LRP1B: variants seen among roughly 807,000 people sequenced by gnomAD.
LRP1B encodes the protein low-density lipoprotein receptor-related protein 1B.
Under a neutral mutation model 556.6 loss-of-function variants are expected in LRP1B, and 217 were observed. The ratio of observed to expected loss-of-function variants is 0.39; its 90% CI spans 0.35 to 0.44. The LOEUF is 0.44. Among genes scored for constraint, LRP1B ranks in the 20% least tolerant of loss-of-function variants. The pLI is 1.00. For missense variants in LRP1B, 5,053 were observed against 5,620.8 expected, an observed-to-expected ratio of 0.90 and a Z score of 3.23; for synonymous variants, 2,047 against 1,865.8, an observed-to-expected ratio of 1.10 and a Z score of -2.50.
At chr2:140,926,545 G>A (rs552535127) in intron 20 of LRP1B, among the ~76,000 whole-genome samples, 1 of 151,894 alleles carries the variant, frequency 6.6e-6, no homozygotes, top group Non-Finnish European at 1.5e-5. Context: ...GTCTTACTTT[G>A]TTGCCTAGAC....
chr2:141,740,298 C>G (rs1051594056), intron 2 of LRP1B, among the ~76,000 whole-genome samples: 5 of 152,122 alleles, frequency 3.3e-5, no homozygotes, highest in African/African-American at 1.2e-4. Flanking sequence ...CAAGTAGGTG[C>G]ACTTAATGGT....
chr2:141,632,357 T>C (rs889485413), intron 2 of LRP1B, among the ~76,000 whole-genome samples: 1 of 152,232 alleles, frequency 6.6e-6, no homozygotes, highest in African/African-American at 2.4e-5. Context: ...GTGTCATTAT[T>C]TTCTTTAGTT....
At chr2:142,008,236 C>T (rs760981763) in intron 1 of LRP1B, among the ~76,000 whole-genome samples, 1 of 152,200 alleles carries the variant, frequency 6.6e-6, no homozygotes, top group South Asian at 2.1e-4. Flanking sequence ...TATAGCTTGA[C>T]TCCCTGTGCT....
intron 18 of LRP1B, among the ~76,000 whole-genome samples, chr2:140,956,576 T>G (rs778089354): frequency 6.6e-6 from 1 of 151,744 alleles, no homozygotes; most frequent in Non-Finnish European, 1.5e-5. Flanking sequence ...TTGACACTAG[T>G]TGTGGCTCCC....
intron 3 of LRP1B, among the ~76,000 whole-genome samples, chr2:141,348,220 T>A (rs777181329): frequency 2.0e-5 from 3 of 151,998 alleles, no homozygotes; most frequent in African/African-American, 4.8e-5. Flanking sequence ...AATATGTACC[T>A]GTAAGATTTG....
chr2:140,646,036 AAAGTTC>A (rs1322465709), intron 41 of LRP1B, among the ~76,000 whole-genome samples: 1 of 152,162 alleles, frequency 6.6e-6, no homozygotes, highest in African/African-American at 2.4e-5. Context: ...ATCAGTCATT[AAAGTTC>A]TGTCTGCTAT....
At chr2:141,641,561 C>T (rs1689336152) in intron 2 of LRP1B, among the ~76,000 whole-genome samples, 1 of 152,096 alleles carries the variant, frequency 6.6e-6, no homozygotes, top group African/African-American at 2.4e-5. Context: ...AATATACATT[C>T]AACCCTTAAA....
intron 2 of LRP1B, among the ~76,000 whole-genome samples, chr2:141,612,950 G>C (rs1688160099): frequency 1.3e-5 from 2 of 151,778 alleles, no homozygotes; most frequent in African/African-American, 4.8e-5. Context: ...CTACAGGTGT[G>C]TGCCACCACA....
intron 3 of LRP1B, among the ~76,000 whole-genome samples, chr2:141,373,802 T>G (rs1689327513): frequency 6.6e-6 from 1 of 152,064 alleles, no homozygotes; most frequent in African/African-American, 2.4e-5. Flanking sequence ...GTTACTGTCA[T>G]ATTATTGTTT....
chr2:140,703,366 G>T (rs1686714885), intron 37 of LRP1B, among the ~76,000 whole-genome samples: 1 of 152,016 alleles, frequency 6.6e-6, no homozygotes, highest in Non-Finnish European at 1.5e-5. Flanking sequence ...TAGAAAAACA[G>T]AATGTACATA....
At position 141,736,072 on chromosome 2, in the gene LRP1B, C is replaced by A. The variant is rs555423416; in HGVS notation, c.205+74207G>T. Among the ~76,000 whole-genome samples, 9 of 152,260 alleles carry A rather than the reference C, an allele frequency of 5.9e-5. No homozygotes were observed. The East Asian group carries it at 1.7e-3, about 30-fold the overall frequency. On this transcript the variant is annotated intron_variant, in intron 2 of 90. Transcript: ENST00000389484. ...CTGGAGACACTGGGAACAATTCTCA[C>A]CCACTCTCTCTAGGGGCAGGTTGTT...
At chr2:141,432,005 C>T (rs1680580153) in intron 3 of LRP1B, among the ~76,000 whole-genome samples, 1 of 152,072 alleles carries the variant, frequency 6.6e-6, no homozygotes, top group Admixed American at 6.6e-5. Context: ...AGGTTAACTG[C>T]AAGTGATGAG....
rs971588139 is a variant in LRP1B, at chr2:141,831,221, A to G, written c.83-20820T>C. Among the ~76,000 whole-genome samples, 24 of 151,850 alleles carry G rather than the reference A, an allele frequency of 1.6e-4. No individual in the cohort carries two copies. The East Asian group carries it at 1.7e-3, about 11-fold the overall frequency. Reference sequence around the variant, plus strand: ...CAAGGACTAAAAGTAGTCACTTTATATATATAAAATAATATGAATATACAT... The same window carrying G: ...CAAGGACTAAAAGTAGTCACTTTATGTATATAAAATAATATGAATATACAT... On this transcript the variant is annotated intron_variant, in intron 1 of 90. Coordinates refer to ENST00000389484, the MANE Select transcript of LRP1B (RefSeq NM_018557.3).
At chr2:141,711,948 C>T (rs1692374673) in intron 2 of LRP1B, among the ~76,000 whole-genome samples, 1 of 134,724 alleles carries the variant, frequency 7.4e-6, no homozygotes, top group African/African-American at 3.0e-5. Context: ...TATGAACACA[C>T]ACAGACACAC....
At chr2:141,140,320 T>C (rs1373791788) in intron 7 of LRP1B, among the ~76,000 whole-genome samples, 2 of 152,106 alleles carry the variant, frequency 1.3e-5, no homozygotes, top group African/African-American at 2.4e-5. Flanking sequence ...ACGTCAATTA[T>C]ATAATAATAA....
chr2:141,612,495 A>G (rs1388469925), intron 2 of LRP1B, among the ~76,000 whole-genome samples: 1 of 152,218 alleles, frequency 6.6e-6, no homozygotes, highest in African/African-American at 2.4e-5. Flanking sequence ...TGCAGGGTAA[A>G]TATTTATAAT....
chr2:141,592,358 C>A (rs1457147850), intron 2 of LRP1B, among the ~76,000 whole-genome samples: 1 of 152,024 alleles, frequency 6.6e-6, no homozygotes, highest in Non-Finnish European at 1.5e-5. Flanking sequence ...TAAGGACCTG[C>A]ATTTTGGTTT....
chr2:140,870,099 C>A (rs1693079505), intron 25 of LRP1B, among the ~76,000 whole-genome samples: 1 of 152,006 alleles, frequency 6.6e-6, no homozygotes, highest in Admixed American at 6.6e-5. Context: ...AAAACCCCTC[C>A]CTTGGAATCT....
intron 18 of LRP1B, among the ~76,000 whole-genome samples, chr2:140,965,162 T>C (rs1696165117): frequency 2.0e-5 from 3 of 152,098 alleles, no homozygotes; most frequent in Admixed American, 1.3e-4. Context: ...TCCCCTGGGG[T>C]AGTGGGCTGA....
Sources: allele counts gnomAD v4.1 joint callset (sites outside exome capture counted in the v4.1 genomes callset), GRCh38; gene constraint gnomAD v4.1.1; transcripts MANE v1.5; gene names NCBI Gene and HGNC (gene_info 2026-07-23, HGNC 2026-07-21).